BMPR1A: variants seen among roughly 807,000 people sequenced by gnomAD.
BMPR1A encodes the protein bone morphogenetic protein receptor type-1A.
Under a neutral mutation model 66.0 loss-of-function variants are expected in BMPR1A, and 7 were observed. The ratio of observed to expected loss-of-function variants is 0.11; its 90% CI spans 0.06 to 0.20. BMPR1A has a LOEUF of 0.20. BMPR1A is among the 10% of genes least tolerant of loss of function. The pLI is 1.00. For synonymous variants in BMPR1A, 200 were observed against 229.7 expected, an observed-to-expected ratio of 0.87 and a Z score of 1.17; for missense variants, 408 against 669.1, an observed-to-expected ratio of 0.61 and a Z score of 4.31.
At position 86,836,808 on chromosome 10, in the gene BMPR1A, C is replaced by T. The variant is rs150354001; in HGVS notation, c.-267-2057C>T. Among the ~76,000 whole-genome samples the T allele has an allele frequency of 6.2e-3, 936 of 152,180 alleles. 14 individuals are homozygous for T. Among genetic ancestry groups the T allele is most frequent in the African/African-American group, 0.022 (907 of 41,514 alleles). ...ATTAGCTGGGCATGGTTGTATGTACCTGTAGTCCCAGCTACTCGGGAGGCT... is the reference window on the plus strand; with the variant it reads ...ATTAGCTGGGCATGGTTGTATGTACTTGTAGTCCCAGCTACTCGGGAGGCT... On this transcript the variant is annotated intron_variant, in intron 1 of 12. Coordinates refer to ENST00000372037, the MANE Select transcript of BMPR1A (RefSeq NM_004329.3).
Position 86,857,461 on chromosome 10 carries a change from T to C in BMPR1A, c.-152-18406T>C, listed in dbSNP as rs966556918. On this transcript the variant is annotated intron_variant, in intron 2 of 12. Coordinates refer to ENST00000372037, the MANE Select transcript of BMPR1A (RefSeq NM_004329.3). The stretch of plus-strand genomic sequence containing the variant: ...TGCAAGATAAGTGTGTTAATTATCA[T>C]TGCTGCATAACAGTTTATCCCAAAA... Among the ~76,000 whole-genome samples the C allele has an allele frequency of 2.0e-5, 3 of 152,332 alleles. No homozygotes were observed. In the East Asian group the frequency reaches 5.8e-4, roughly 29 times the overall value.
chr10:86,822,252 A>C (rs1346277258), intron 1 of BMPR1A, among the ~76,000 whole-genome samples: 1 of 152,198 alleles, frequency 6.6e-6, no homozygotes, highest in Non-Finnish European at 1.5e-5. Flanking sequence ...ATCCAAAATG[A>C]ATTCAATTTT....
At chr10:86,789,442 G>A (rs1350340506) in intron 1 of BMPR1A, among the ~76,000 whole-genome samples, 9 of 152,176 alleles carry the variant, frequency 5.9e-5, no homozygotes, top group East Asian at 3.8e-4. Flanking sequence ...GCTGGGCGCC[G>A]TGGCTCACAC....
At chr10:86,804,791 TG>T (rs376067049) in intron 1 of BMPR1A, among the ~76,000 whole-genome samples, 4,027 of 110,064 alleles carry the variant, frequency 0.037, 111 homozygotes, top group African/African-American at 0.062. Flanking sequence ...TGTTTGTAGG[TG>T]TTTTTTTTTT....
intron 1 of BMPR1A, among the ~76,000 whole-genome samples, chr10:86,782,137 A>G (rs1284292319): frequency 6.6e-6 from 1 of 152,166 alleles, no homozygotes; most frequent in Non-Finnish European, 1.5e-5. Context: ...TGCTGGGATT[A>G]CAGGTGTGAG....
chr10:86,873,721 C>G (rs990595065), intron 2 of BMPR1A, among the ~76,000 whole-genome samples: 5 of 152,146 alleles, frequency 3.3e-5, no homozygotes, highest in East Asian at 1.9e-4. Context: ...AATTGGAAAC[C>G]TGGAACATAT....
At chr10:86,884,825 C>T (rs1430089136) in intron 3 of BMPR1A, among the ~76,000 whole-genome samples, 1 of 152,158 alleles carries the variant, frequency 6.6e-6, no homozygotes, top group Non-Finnish European at 1.5e-5. Context: ...GGACATGTGT[C>T]AGCATGTGTC....
chr10:86,906,104 C>G (rs1843382856), intron 7 of BMPR1A, among the ~76,000 whole-genome samples: 2 of 152,106 alleles, frequency 1.3e-5, no homozygotes, highest in East Asian at 3.8e-4. Context: ...AGTCTTTTGA[C>G]TTCATTTTCC....
intron 1 of BMPR1A, among the ~76,000 whole-genome samples, chr10:86,770,388 CGA>C (rs10533628): frequency 0.24 from 36,896 of 151,972 alleles, 7,784 homozygotes; most frequent in African/African-American, 0.58. Context: ...CTTCAGTCTG[CGA>C]GAGAGAGACC....
intron 1 of BMPR1A, among the ~76,000 whole-genome samples, chr10:86,770,179 T>C (rs1287400585): frequency 1.2e-4 from 19 of 152,238 alleles, no homozygotes; most frequent in Non-Finnish European, 8.8e-5. Context: ...TGGTCCCAGC[T>C]GCTCAGGAGG....
chr10:86,782,061 C>G (rs1400438510), intron 1 of BMPR1A, among the ~76,000 whole-genome samples: 1 of 150,978 alleles, frequency 6.6e-6, no homozygotes, highest in Non-Finnish European at 1.5e-5. Flanking sequence ...CGGGGTTTCA[C>G]TACGTTGGTC....
At chr10:86,768,239 C>T (rs983800063) in intron 1 of BMPR1A, among the ~76,000 whole-genome samples, 7 of 152,026 alleles carry the variant, frequency 4.6e-5, no homozygotes, top group East Asian at 3.9e-4. Flanking sequence ...AATAAAGTAA[C>T]GTTTTTCTAA....
intron 7 of BMPR1A, among the ~76,000 whole-genome samples, chr10:86,906,708 AG>A (rs1843394314): frequency 3.3e-5 from 1 of 30,164 alleles, no homozygotes; most frequent in African/African-American, 5.3e-4. Flanking sequence ...TGGGCGACAG[AG>A]TGAGACTCCG....
At chr10:86,849,474 G>T (rs1267463961) in intron 2 of BMPR1A, among the ~76,000 whole-genome samples, 10 of 152,170 alleles carry the variant, frequency 6.6e-5, no homozygotes, top group Non-Finnish European at 5.9e-5. Context: ...CTTTGGATTT[G>T]AACTGCAGCT....
rs1057520242 is a variant in BMPR1A, at chr10:86,875,872, G to A, written c.-147G>A. 3.0e-5 allele frequency: 22 copies of A among 735,730 alleles called. No homozygotes were observed. Among genetic ancestry groups the A allele is most frequent in the Admixed American group, 1.3e-4 (6 of 47,242 alleles). 45.6% of individuals were successfully genotyped at this position (735,730 alleles called of 1,614,324 possible). A position where few individuals can be genotyped will look rare whatever the true frequency, so the allele number is the denominator to read the frequency against. On this transcript the variant is annotated 5_prime_UTR_variant, in exon 3 of 13. Transcript: ENST00000372037. ...TAAATATTTTTGTCTTTCAGGAGTC[G>A]TAAGAAAGCAGTGGGAGTTGAAGTC...
At chr10:86,840,588 C>G (rs1054030303) in intron 2 of BMPR1A, among the ~76,000 whole-genome samples, 1 of 152,106 alleles carries the variant, frequency 6.6e-6, no homozygotes, top group East Asian at 1.9e-4. Context: ...AATGATCTCT[C>G]TCAACTTCCT....
intron 1 of BMPR1A, among the ~76,000 whole-genome samples, chr10:86,801,679 TC>T (rs1166153165): frequency 6.6e-6 from 1 of 152,010 alleles, no homozygotes; most frequent in East Asian, 1.9e-4. Flanking sequence ...TTGCAACACT[TC>T]CTGTCCTTCA....
rs1842628523 is a variant in BMPR1A, at chr10:86,855,494, A to G, written c.-153+16515A>G. 5.5e-6 allele frequency: 3 copies of G among 541,840 alleles called. No individual in the cohort carries two copies. The South Asian group carries it at 8.3e-5, about 15-fold the overall frequency. 33.6% of individuals were successfully genotyped at this position (541,840 alleles called of 1,614,324 possible). A position where few individuals can be genotyped will look rare whatever the true frequency, so the allele number is the denominator to read the frequency against. ...TACTTTCAGAATTTTCTGAAGCTAT[A>G]ATCTTTCAGGAAATAGTACTATTTT... On this transcript the variant is annotated intron_variant, in intron 2 of 12. Coordinates refer to ENST00000372037, the MANE Select transcript of BMPR1A (RefSeq NM_004329.3).
In BMPR1A at chr10:86,926,349, A is replaced by T. The variant is rs1843744662; in HGVS notation, c.*2630A>T. On this transcript the variant is annotated 3_prime_UTR_variant, in exon 13 of 13. Transcript: ENST00000372037. The stretch of plus-strand genomic sequence containing the variant: ...AGCCTGGCCAACATGGTGAAACCCC[A>T]TCTCTACTAAAAATAAAAAACTCAG... 1 of 153,392 alleles carries T rather than the reference A, an allele frequency of 6.5e-6. No individual in the cohort carries two copies. The highest frequency in any genetic ancestry group is 2.4e-5 in the African/African-American group (1 of 41,468). 9.5% of individuals were successfully genotyped at this position (153,392 alleles called of 1,614,324 possible).
Sources: allele counts gnomAD v4.1 joint callset (sites outside exome capture counted in the v4.1 genomes callset), GRCh38; gene constraint gnomAD v4.1.1; transcripts MANE v1.5; gene names NCBI Gene and HGNC (gene_info 2026-07-23, HGNC 2026-07-21).